APOLD1: variants seen among roughly 807,000 people sequenced by gnomAD.
APOLD1 encodes apolipoprotein L domain-containing protein 1.
APOLD1 carries 22 observed loss-of-function variants against 15.3 expected under a neutral mutation model. That is an observed-to-expected ratio of 1.44 (90% CI 1.03 to 2.05). APOLD1 has a LOEUF of 2.05. APOLD1 is among the 30% of genes most tolerant of loss of function. The pLI, the probability that APOLD1 is intolerant of heterozygous loss-of-function variation, is 0.00. For missense variants in APOLD1, 394 were observed against 353.5 expected (o/e 1.11, Z -0.92); for synonymous variants, 190 against 167.4 (o/e 1.13, Z -1.04).
intron 1 of APOLD1, among the ~76,000 whole-genome samples, chr12:12,736,376 A>G (rs1288569285): frequency 6.7e-6 from 1 of 148,290 alleles, no homozygotes; most frequent in Non-Finnish European, 1.5e-5. Flanking sequence ...AAAACAAAAA[A>G]ACTAGCTGGG....
At chr12:12,778,236 G>A (rs1394155023) in intron 1 of APOLD1, among the ~76,000 whole-genome samples, 2 of 151,286 alleles carry the variant, frequency 1.3e-5, no homozygotes, top group Non-Finnish European at 2.9e-5. Context: ...GGCCAGGAAA[G>A]CATCCTGACA....
Position 12,787,943 on chromosome 12 carries a change from C to G in APOLD1, c.*291C>G. On this transcript the variant is annotated 3_prime_UTR_variant, in exon 2 of 2. Transcript: ENST00000356591. The surrounding 1 kb of genome is among the most constrained non-coding windows in gnomAD (Gnocchi z 4.9). ...CTGTCTAAACACAGCTGGGCAGGCA[C>G]TCCTGTTTTAAAGTTATTTCGGGGT... is the stretch of plus-strand genomic sequence containing the variant. The G allele has an allele frequency of 2.9e-6, 1 of 350,490 alleles. No homozygotes were observed. The highest frequency in any genetic ancestry group is 5.2e-6 in the Non-Finnish European group (1 of 193,136). The allele number at this position is 350,490 out of a possible 1,614,324, so 21.7% of individuals were successfully genotyped here. A position where few individuals can be genotyped will look rare whatever the true frequency, so the allele number is the denominator to read the frequency against.
At chr12:12,736,415 T>C (rs1946686712) in intron 1 of APOLD1, among the ~76,000 whole-genome samples, 1 of 151,420 alleles carries the variant, frequency 6.6e-6, no homozygotes, top group Non-Finnish European at 1.5e-5. Context: ...TAGTCCCAGC[T>C]ACTTGGGAGG....
At chr12:12,782,727 A>T (rs75982353), upstream of APOLD1, among the ~76,000 whole-genome samples, 1,084 of 152,344 alleles carry the variant, frequency 7.1e-3, 14 homozygotes, top group African/African-American at 0.024. Flanking sequence ...TTGAAGGCCA[A>T]CTACCATTTT....
rs759387185 is a variant in APOLD1, at chr12:12,787,062, C to G, written c.157C>G (p.Leu53Val). Residue 53 changes from leucine (L) to valine (V), a missense_variant, in exon 2 of 2, where the codon CTC (leucine) becomes GTC (valine). Transcript: ENST00000356591. The surrounding 1 kb of genome is among the most constrained non-coding windows in gnomAD (Gnocchi z 4.9). Reference sequence around the variant, plus strand: ...CCTGGAGCGCCTGCGCAGGCGCTCCCTCGTAGCCAACGTGGCCGGCAGCTC... The same window carrying G: ...CCTGGAGCGCCTGCGCAGGCGCTCCGTCGTAGCCAACGTGGCCGGCAGCTC... ...RRLERLRRRSLVANVAGSSLS... is the reference protein window; with the variant it reads ...RRLERLRRRSVVANVAGSSLS... 95 of 1,392,960 alleles carry G rather than the reference C, an allele frequency of 6.8e-5. No homozygotes were observed. The highest frequency in any genetic ancestry group is 8.2e-5 in the Non-Finnish European group (89 of 1,084,864). 86.3% of individuals were successfully genotyped at this position (1,392,960 alleles called of 1,614,324 possible).
intron 1 of APOLD1, among the ~76,000 whole-genome samples, chr12:12,775,458 T>C (rs1320088915): frequency 1.3e-5 from 2 of 152,134 alleles, no homozygotes; most frequent in Non-Finnish European, 2.9e-5. Flanking sequence ...TGGGCCAATG[T>C]AGGTTCATGA....
At chr12:12,757,769 T>A (rs1215577783) in intron 1 of APOLD1, among the ~76,000 whole-genome samples, 1 of 152,012 alleles carries the variant, frequency 6.6e-6, no homozygotes, top group East Asian at 1.9e-4. Context: ...ATTTACAGAG[T>A]TGTGCAACAC....
chr12:12,726,948 G>C (rs1946598477), intron 1 of APOLD1, among the ~76,000 whole-genome samples: 1 of 152,234 alleles, frequency 6.6e-6, no homozygotes, highest in Non-Finnish European at 1.5e-5. Flanking sequence ...TCAGGAAGCA[G>C]TGAGCTCACC....
intron 1 of APOLD1, among the ~76,000 whole-genome samples, chr12:12,777,889 G>GTTTTTTTTTTTTTTTTTTTTTTTTT (rs71436735): frequency 8.5e-6 from 1 of 117,062 alleles, no homozygotes; most frequent in African/African-American, 3.8e-5. Flanking sequence ...AAGGAAAGGT[G>GTTTTTTTTTTTTTTTTTTTTTTTTT]TTTTTTTTTT....
At chr12:12,738,705 G>A (rs1288156863) in intron 1 of APOLD1, among the ~76,000 whole-genome samples, 1 of 152,178 alleles carries the variant, frequency 6.6e-6, no homozygotes, top group Admixed American at 6.5e-5. Flanking sequence ...TGCTTATGAA[G>A]TATGCTGGAC....
upstream of APOLD1, among the ~76,000 whole-genome samples, chr12:12,783,831 A>C (rs953542323): frequency 6.6e-6 from 1 of 151,536 alleles, no homozygotes; most frequent in Non-Finnish European, 1.5e-5. Context: ...ATGGGGTCTC[A>C]TTATGTCAAC....
chr12:12,783,380 G>C (rs1041800988), upstream of APOLD1, among the ~76,000 whole-genome samples: 2 of 151,668 alleles, frequency 1.3e-5, no homozygotes, highest in African/African-American at 4.8e-5. Flanking sequence ...GTGTGATCTC[G>C]GCTCACTGCA....
intron 1 of APOLD1, among the ~76,000 whole-genome samples, chr12:12,775,876 C>T (rs1236859214): frequency 1.3e-5 from 2 of 151,556 alleles, no homozygotes; most frequent in African/African-American, 4.9e-5. Flanking sequence ...TGGGGGTGTG[C>T]ACCTGCAGTC....
At chr12:12,778,338 G>C (rs570729301) in intron 1 of APOLD1, among the ~76,000 whole-genome samples, 1 of 151,436 alleles carries the variant, frequency 6.6e-6, no homozygotes, top group South Asian at 2.1e-4. Context: ...TTACATTTTT[G>C]AGACAGGGTC....
chr12:12,729,246 A>G (rs1946618190), intron 1 of APOLD1, among the ~76,000 whole-genome samples: 1 of 151,654 alleles, frequency 6.6e-6, no homozygotes, highest in African/African-American at 2.4e-5. Flanking sequence ...AAAAAAAAAT[A>G]AAGTGGGATT....
chr12:12,750,503 G>C (rs546999580), intron 1 of APOLD1, among the ~76,000 whole-genome samples: 1 of 150,286 alleles, frequency 6.7e-6, no homozygotes, highest in South Asian at 2.1e-4. Context: ...TCATGATTTT[G>C]ACTTATAAGG....
intron 1 of APOLD1, among the ~76,000 whole-genome samples, chr12:12,730,897 T>C (rs1204962177): frequency 2.6e-5 from 4 of 151,952 alleles, no homozygotes; most frequent in Non-Finnish European, 5.9e-5. Flanking sequence ...ATCCCAGCAC[T>C]TTGGGAGGCC....
At chr12:12,736,582 A>C (rs1312854817) in intron 1 of APOLD1, among the ~76,000 whole-genome samples, 1 of 152,152 alleles carries the variant, frequency 6.6e-6, no homozygotes, top group East Asian at 1.9e-4. Context: ...CTTCAAATAA[A>C]TTTTATTGTT....
exon 1 of APOLD1, chr12:12,726,053 G>C: frequency 1.3e-6 from 2 of 1,540,910 alleles, no homozygotes; most frequent in African/African-American, 1.4e-5. Context: ...CGGAAGGCGC[G>C]GGCAGGAGCC....
Sources: allele counts gnomAD v4.1 joint callset (sites outside exome capture counted in the v4.1 genomes callset), GRCh38; gene constraint gnomAD v4.1.1; non-coding constraint Gnocchi (gnomAD v3.1); transcripts MANE v1.5; gene names NCBI Gene and HGNC (gene_info 2026-07-23, HGNC 2026-07-21).